Variants in DLG2 observed in about 807,000 individuals in gnomAD.
DLG2 encodes the protein discs large MAGUK scaffold protein 2.
Under a neutral mutation model 132.5 loss-of-function variants are expected in DLG2, and 45 were observed. The observed-to-expected ratio is 0.34, with a 90% CI of 0.27 to 0.44. DLG2 has a LOEUF of 0.44. Among genes scored for constraint, DLG2 ranks in the 20% least tolerant of loss-of-function variants. The pLI, the probability that DLG2 is intolerant of heterozygous loss-of-function variation, is 1.00. For synonymous variants in DLG2, 424 were observed against 419.6 expected, an observed-to-expected ratio of 1.01 and a Z score of -0.13; for missense variants, 1,045 against 1,196.9, an observed-to-expected ratio of 0.87 and a Z score of 1.87.
At chr11:84,945,521 T>C (rs1218988209) in intron 6 of DLG2, among the ~76,000 whole-genome samples, 1 of 152,214 alleles carries the variant, frequency 6.6e-6, no homozygotes, top group Non-Finnish European at 1.5e-5. Context: ...GAAGCCAGCA[T>C]GGCACTGGGT....
At chr11:84,943,578 C>A (rs1481383877) in intron 6 of DLG2, among the ~76,000 whole-genome samples, 1 of 152,134 alleles carries the variant, frequency 6.6e-6, no homozygotes, top group South Asian at 2.1e-4. Flanking sequence ...GATGACAACA[C>A]AATTGCAAAA....
intron 10 of DLG2, among the ~76,000 whole-genome samples, chr11:84,078,056 A>C (rs560804694): frequency 6.6e-6 from 1 of 152,314 alleles, no homozygotes; most frequent in South Asian, 2.1e-4. Flanking sequence ...TATATTATGA[A>C]ATTCAACATA....
intron 3 of DLG2, among the ~76,000 whole-genome samples, chr11:85,579,099 T>G (rs1352141721): frequency 2.0e-5 from 3 of 152,096 alleles, no homozygotes; most frequent in African/African-American, 7.2e-5. Context: ...GATGGAGCAC[T>G]GGAGGCCATT....
chr11:84,824,198 C>G (rs2078052162), intron 6 of DLG2, among the ~76,000 whole-genome samples: 1 of 152,062 alleles, frequency 6.6e-6, no homozygotes, highest in Middle Eastern at 3.4e-3. Flanking sequence ...ACACTAACTT[C>G]AAGCTGTGTC....
At chr11:84,867,940 A>G (rs1011325170) in intron 6 of DLG2, among the ~76,000 whole-genome samples, 4 of 151,930 alleles carry the variant, frequency 2.6e-5, no homozygotes, top group South Asian at 2.1e-4. Flanking sequence ...CAGGCGTGGT[A>G]GCCGGCGCCT....
At chr11:84,076,022 G>C (rs377628779) in intron 10 of DLG2, among the ~76,000 whole-genome samples, 2 of 152,254 alleles carry the variant, frequency 1.3e-5, no homozygotes, top group East Asian at 3.9e-4. Flanking sequence ...CAACAAGAAG[G>C]GCCCCTTTGC....
intron 6 of DLG2, among the ~76,000 whole-genome samples, chr11:84,881,597 T>C (rs1419753379): frequency 6.6e-6 from 1 of 151,418 alleles, no homozygotes; most frequent in Non-Finnish European, 1.5e-5. Flanking sequence ...GGATGCTTAT[T>C]ACCCCTGGCC....
At chr11:85,213,054 C>T (rs1345352852) in intron 4 of DLG2, among the ~76,000 whole-genome samples, 4 of 151,738 alleles carry the variant, frequency 2.6e-5, no homozygotes, top group Admixed American at 1.3e-4. Flanking sequence ...TTTGATAGGA[C>T]CACAAAGGCA....
At chr11:83,599,716 G>A (rs952524986) in intron 19 of DLG2, among the ~76,000 whole-genome samples, 1 of 152,164 alleles carries the variant, frequency 6.6e-6, no homozygotes, top group East Asian at 1.9e-4. Flanking sequence ...CCCAACCACA[G>A]GGCAGGCACT....
At chr11:85,213,127 G>T (rs932562057) in intron 4 of DLG2, among the ~76,000 whole-genome samples, 1 of 152,114 alleles carries the variant, frequency 6.6e-6, no homozygotes, top group African/African-American at 2.4e-5. Context: ...ATTAGAATTT[G>T]CCATAATGAT....
chr11:84,966,303 C>T (rs1401485088), intron 6 of DLG2, among the ~76,000 whole-genome samples: 1 of 151,944 alleles, frequency 6.6e-6, no homozygotes, highest in Non-Finnish European at 1.5e-5. Context: ...AAAAATGAAG[C>T]CATTCTGATT....
chr11:85,589,165 A>G (rs1222895474), intron 3 of DLG2, among the ~76,000 whole-genome samples: 1 of 152,180 alleles, frequency 6.6e-6, no homozygotes, highest in Non-Finnish European at 1.5e-5. Flanking sequence ...TAGCAGTGAC[A>G]CTGTCACGTG....
chr11:84,267,254 A>T (rs2097651721), intron 7 of DLG2, among the ~76,000 whole-genome samples: 1 of 152,148 alleles, frequency 6.6e-6, no homozygotes, highest in East Asian at 1.9e-4. Flanking sequence ...GTTGGTAAGA[A>T]ATTTCCCTAC....
At chr11:83,468,759 A>G (rs1031705165) in intron 25 of DLG2, among the ~76,000 whole-genome samples, 1 of 152,150 alleles carries the variant, frequency 6.6e-6, no homozygotes, top group East Asian at 1.9e-4. Context: ...ACCTCCTCTA[A>G]GCTAGAACTT....
chr11:85,162,141 T>G (rs1260418807), intron 4 of DLG2, among the ~76,000 whole-genome samples: 1 of 152,196 alleles, frequency 6.6e-6, no homozygotes, highest in Non-Finnish European at 1.5e-5. Context: ...GGAGTTATAG[T>G]GTTGGCTGGT....
chr11:83,585,004 G>A (rs2097057729), intron 19 of DLG2, among the ~76,000 whole-genome samples: 1 of 152,128 alleles, frequency 6.6e-6, no homozygotes, highest in South Asian at 2.1e-4. Context: ...TCATGTAACT[G>A]CTTCTGTGCT....
At chr11:85,169,904 T>C (rs963049099) in intron 4 of DLG2, among the ~76,000 whole-genome samples, 5 of 152,154 alleles carry the variant, frequency 3.3e-5, no homozygotes, top group African/African-American at 9.7e-5. Context: ...CAAAGAGCTA[T>C]ACTTTTGGGT....
intron 7 of DLG2, among the ~76,000 whole-genome samples, chr11:84,358,878 G>GA (rs1466844327): frequency 6.6e-6 from 1 of 151,870 alleles, no homozygotes; most frequent in Admixed American, 6.6e-5. Context: ...AGGGACATAT[G>GA]AATTAAGCAA....
intron 6 of DLG2, among the ~76,000 whole-genome samples, chr11:84,812,358 G>A (rs1216042656): frequency 6.6e-6 from 1 of 152,106 alleles, no homozygotes; most frequent in Non-Finnish European, 1.5e-5. Context: ...TTGATGCCTG[G>A]TCAGAGATGA....
Sources: gnomAD v4.1 joint callset for allele counts (sites outside exome capture counted in the v4.1 genomes callset) on GRCh38, gnomAD v4.1.1 for gene constraint, MANE v1.5 for transcripts, NCBI Gene and HGNC (gene_info 2026-07-23, HGNC 2026-07-21) for gene names.